Variants in DTYMK observed in about 807,000 individuals in gnomAD.
DTYMK encodes thymidylate kinase.
A neutral mutation model predicts 20.3 loss-of-function variants in DTYMK; 20 were observed. That is an observed-to-expected ratio of 0.99 (90% CI 0.69 to 1.43). The LOEUF is 1.43. Among genes scored for constraint, DTYMK ranks in the 40% most tolerant of loss-of-function variants. The pLI is 0.00. For synonymous variants in DTYMK, 148 were observed against 124.4 expected (o/e 1.19, Z -1.27); for missense variants, 320 against 291.1 (o/e 1.10, Z -0.72).
chr2:241,685,556 T>C (rs1424668408), intron 2 of DTYMK: 3 of 459,968 alleles, frequency 6.5e-6, no homozygotes, highest in Non-Finnish European at 7.8e-6. Flanking sequence ...CTATTAGTTA[T>C]GGGGTGTGGG....
chr2:241,683,099 G>A (rs569899424), intron 2 of DTYMK, among the ~76,000 whole-genome samples: 1 of 152,152 alleles, frequency 6.6e-6, no homozygotes, highest in Admixed American at 6.5e-5. Flanking sequence ...AAAAAGAGTG[G>A]GCCAAAGCAC....
intron 2 of DTYMK, among the ~76,000 whole-genome samples, chr2:241,681,461 AG>A (rs2069254885): frequency 6.6e-6 from 1 of 152,238 alleles, no homozygotes. Flanking sequence ...AGGCAGAGGC[AG>A]GAGGATTGCT....
chr2:241,681,309 C>T (rs748325400), intron 2 of DTYMK, among the ~76,000 whole-genome samples: 29 of 152,238 alleles, frequency 1.9e-4, no homozygotes, highest in Middle Eastern at 3.2e-3. Context: ...GCATTTTCCT[C>T]AATAAACGCT....
At chr2:241,677,614 G>A (rs910494798) in intron 4 of DTYMK, among the ~76,000 whole-genome samples, 10 of 152,232 alleles carry the variant, frequency 6.6e-5, no homozygotes, top group African/African-American at 1.9e-4. Flanking sequence ...CGGTGGGCAC[G>A]GGCGACTGGA....
At chr2:241,684,708 G>A (rs1207317080) in intron 2 of DTYMK, 3 of 462,906 alleles carry the variant, frequency 6.5e-6, no homozygotes, top group Admixed American at 5.0e-5. Context: ...AACATTGAAA[G>A]AACACACATC....
At chr2:241,680,141 C>G (rs988582829) in intron 3 of DTYMK, 88 bp downstream of exon 3, 4 of 1,231,812 alleles carry the variant, frequency 3.2e-6, no homozygotes, top group Non-Finnish European at 4.7e-6. Flanking sequence ...GCAGAGTAAT[C>G]TGAGGCATGT....
At chr2:241,684,717 T>C (rs1260719730) in intron 2 of DTYMK, 1 of 466,970 alleles carries the variant, frequency 2.1e-6, no homozygotes, top group African/African-American at 2.0e-5. Flanking sequence ...AGAACACACA[T>C]CAACATTAAG....
At chr2:241,680,786 T>C (rs1043279177) in intron 2 of DTYMK, among the ~76,000 whole-genome samples, 17 of 152,216 alleles carry the variant, frequency 1.1e-4, no homozygotes, top group African/African-American at 3.9e-4. Flanking sequence ...CTGGATCTTC[T>C]CTAGAAGATG....
chr2:241,683,172 ACAT>A (rs2069305429), intron 2 of DTYMK, among the ~76,000 whole-genome samples: 2 of 152,246 alleles, frequency 1.3e-5, no homozygotes, highest in South Asian at 4.1e-4. Flanking sequence ...AAGATACTCC[ACAT>A]CATATGTCAG....
intron 2 of DTYMK, among the ~76,000 whole-genome samples, chr2:241,681,721 T>C (rs1393232364): frequency 6.6e-6 from 1 of 152,200 alleles, no homozygotes; most frequent in Non-Finnish European, 1.5e-5. Flanking sequence ...AATAACTTTG[T>C]GCTTTGTGAG....
rs775258374 is a variant in DTYMK at position 241,685,835 on chromosome 2, T to G, written c.173A>C (p.Gln58Pro). 3.7e-6 allele frequency: 6 copies of G among 1,614,078 alleles called. No homozygotes were observed. Among genetic ancestry groups the G allele is most frequent in the Non-Finnish European group, 5.1e-6 (6 of 1,180,030 alleles). The change falls in exon 2 of 5, where the codon CAA becomes CCA. Residue 58 changes from glutamine to proline, a missense_variant. By Grantham distance (76) the Gln-to-Pro change is moderately conservative (BLOSUM62 -1). Coordinates refer to ENST00000305784, the MANE Select transcript of DTYMK (RefSeq NM_012145.4). ...EIGKLLSSYL[Q>P]KKSDVEDHSV... is the part of the protein sequence containing the mutation. ...GTGATCCTCCACGTCACTTTTCTTT[T>G]GCAAGTAGGAACTCAGAAGTTTGCC...
chr2:241,679,192 C>G (rs1238077923), intron 3 of DTYMK, among the ~76,000 whole-genome samples: 1 of 152,194 alleles, frequency 6.6e-6, no homozygotes, highest in African/African-American at 2.4e-5. Context: ...CCAGCACCCT[C>G]TCTCCCTCCC....
chr2:241,680,470 A>T (rs2069231749), intron 2 of DTYMK, 151 bp from the exon 3 acceptor site: 2 of 687,810 alleles, frequency 2.9e-6, no homozygotes, highest in Non-Finnish European at 5.0e-6. Flanking sequence ...AGGTCAGGAG[A>T]TCGAGACCAT....
At chr2:241,676,692 C>T (rs1275924636) in intron 4 of DTYMK, among the ~76,000 whole-genome samples, 1 of 152,254 alleles carries the variant, frequency 6.6e-6, no homozygotes, top group East Asian at 1.9e-4. Flanking sequence ...CTGCTTTAAG[C>T]CGACCTCAGC....
chr2:241,682,431 G>A (rs141825049), intron 2 of DTYMK: 147 of 314,790 alleles, frequency 4.7e-4, no homozygotes, highest in African/African-American at 3.2e-3. Context: ...ATAAAGGACT[G>A]TTATCTAAAG....
intron 2 of DTYMK, chr2:241,682,167 C>T (rs1179872301): frequency 4.5e-6 from 2 of 441,244 alleles, no homozygotes; most frequent in Non-Finnish European, 9.0e-6. Flanking sequence ...TAGTGAGACT[C>T]CATCGCTACA....
At chr2:241,683,593 T>C (rs2069313732) in intron 2 of DTYMK, among the ~76,000 whole-genome samples, 1 of 152,166 alleles carries the variant, frequency 6.6e-6, no homozygotes, top group Non-Finnish European at 1.5e-5. Flanking sequence ...GCAGTGGTGC[T>C]CCCTGGCATT....
intron 2 of DTYMK, among the ~76,000 whole-genome samples, chr2:241,681,441 G>A (rs1412900999): frequency 1.3e-5 from 2 of 152,214 alleles, no homozygotes; most frequent in African/African-American, 4.8e-5. Context: ...TGTAATCCCA[G>A]CTTTCAAGGA....
At chr2:241,682,789 T>A (rs1196135713) in intron 2 of DTYMK, 1 of 177,614 alleles carries the variant, frequency 5.6e-6, no homozygotes, top group Non-Finnish European at 1.2e-5. Context: ...CCGGGCGTGG[T>A]GGTGGGCACC....
Sources: allele counts gnomAD v4.1 joint callset (sites outside exome capture counted in the v4.1 genomes callset), GRCh38; gene constraint gnomAD v4.1.1; transcripts MANE v1.5; gene names NCBI Gene and HGNC (gene_info 2026-07-23, HGNC 2026-07-21).